The following RWDD4 variants were observed in gnomAD, a reference collection of about 807,000 sequenced individuals.
RWDD4 encodes RWD domain-containing protein 4.
Under a neutral mutation model 30.0 loss-of-function variants are expected in RWDD4, and 16 were observed. The observed-to-expected ratio is 0.53, with a 90% CI of 0.36 to 0.81. RWDD4 has a LOEUF of 0.81. Ranked by LOEUF, RWDD4 falls within the 30% of genes least tolerant of loss-of-function variation. The pLI is 0.00. For synonymous variants in RWDD4, 45 were observed against 72.1 expected (o/e 0.62, Z 1.90); for missense variants, 170 against 223.9 (o/e 0.76, Z 1.54).
At chr4:183,652,747 T>C (rs982589335) in intron 2 of RWDD4, among the ~76,000 whole-genome samples, 1 of 150,800 alleles carries the variant, frequency 6.6e-6, no homozygotes, top group Non-Finnish European at 1.5e-5. Flanking sequence ...TAGGCAGAGG[T>C]TGCAGTGAGC....
At chr4:183,654,322 T>C (rs1036257823) in intron 2 of RWDD4, among the ~76,000 whole-genome samples, 2 of 152,094 alleles carry the variant, frequency 1.3e-5, no homozygotes, top group African/African-American at 4.8e-5. Flanking sequence ...GAGTGCCAAC[T>C]AGTACTGTTG....
chr4:183,643,415 CAAAAAAAAAAAAAAAAAAA>C (rs56730708), intron 7 of RWDD4, among the ~76,000 whole-genome samples: 8 of 22,664 alleles, frequency 3.5e-4, no homozygotes, highest in Admixed American at 7.8e-4. Flanking sequence ...GACTCTATCT[CAAAAAAAAAAAAAAAAAAA>C]AAAAAAAAAA....
intron 5 of RWDD4, 75 bp downstream of exon 5, chr4:183,649,376 T>C: frequency 1.1e-6 from 1 of 908,600 alleles, no homozygotes; most frequent in Non-Finnish European, 1.8e-6. Flanking sequence ...ATCATGCCAC[T>C]GCACTCCAGC....
chr4:183,649,677 A>G, intron 4 of RWDD4, 109 bp from the exon 5 acceptor site: 1 of 553,242 alleles, frequency 1.8e-6, no homozygotes, highest in Admixed American at 3.2e-5. Flanking sequence ...ATGAAATAAA[A>G]GAATCCTATA....
In RWDD4 at chr4:183,646,442, T is replaced by C. The variant is rs770927073; in HGVS notation, c.531+46A>G. On this transcript the variant is annotated intron_variant, in intron 6 of 7. Transcript: ENST00000326397. ...AAATAAGAATTTCATTATTTGCTGG[T>C]AATAATTGTAACAAGTTTAAAGACT... 4 of 1,599,402 alleles carry C rather than the reference T, an allele frequency of 2.5e-6. No individual in the cohort carries two copies. In the Admixed American group the frequency reaches 6.9e-5, roughly 28 times the overall value.
At chr4:183,658,051 A>C (rs1036768226) in intron 1 of RWDD4, among the ~76,000 whole-genome samples, 1 of 152,188 alleles carries the variant, frequency 6.6e-6, no homozygotes, top group African/African-American at 2.4e-5. Context: ...TTAGAAATTC[A>C]CCCGGCAAGA....
chr4:183,641,839 A>C (rs1380608885), intron 7 of RWDD4, among the ~76,000 whole-genome samples: 1 of 152,226 alleles, frequency 6.6e-6, no homozygotes, highest in Admixed American at 6.5e-5. Flanking sequence ...ATTTTTAAAA[A>C]ATAATTTTAA....
intron 2 of RWDD4, 61 bp from the exon 3 acceptor site, chr4:183,651,388 A>C: frequency 8.3e-7 from 1 of 1,204,192 alleles, no homozygotes. Context: ...AAACTAAATT[A>C]TAATCTTCAA....
At chr4:183,648,700 C>T (rs933000431) in intron 5 of RWDD4, among the ~76,000 whole-genome samples, 7 of 152,142 alleles carry the variant, frequency 4.6e-5, no homozygotes, top group Admixed American at 6.6e-5. Context: ...AAATCCCAAA[C>T]ATGTTAGAGC....
At position 183,641,466 on chromosome 4, in the gene RWDD4, T is replaced by C; in HGVS notation, c.537A>G (p.Leu179=). ...CATCATCCTTAGAGCCAGTTTTGCTTAACTATAAAAAAAAGAGAGAAAATA... is the reference window on the plus strand; with the variant it reads ...CATCATCCTTAGAGCCAGTTTTGCTCAACTATAAAAAAAAGAGAGAAAATA... ...GWNWVDVVKH[L]SKTGSKDDE Residue 179 remains leucine (L), a splice_region_variant and synonymous_variant, in exon 8 of 8, where the codon TTA becomes TTG. Transcript: ENST00000326397. 2 of 1,606,106 alleles carry C rather than the reference T, an allele frequency of 1.2e-6. No homozygotes were observed. The highest frequency in any genetic ancestry group is 2.7e-5 in the African/African-American group (2 of 74,684).
chr4:183,658,599 T>C (rs910140567), intron 1 of RWDD4, among the ~76,000 whole-genome samples: 11 of 152,198 alleles, frequency 7.2e-5, no homozygotes, highest in African/African-American at 2.7e-4. Context: ...GTGATCAGCC[T>C]AACTCAGTAA....
At position 183,657,253 on chromosome 4, in the gene RWDD4, A is replaced by T. The variant is rs955738544; in HGVS notation, c.25-1292T>A. 3.9e-5 allele frequency among the ~76,000 whole-genome samples: 6 copies of T among 152,292 alleles called. No individual in the cohort carries two copies. In the East Asian group the frequency reaches 1.2e-3, roughly 29 times the overall value. Reference sequence around the variant, plus strand: ...TCTTGCTACCTTTACAGAAAAAACAAAAAAAAACAAAATACAGAAATTCAA... The same window carrying T: ...TCTTGCTACCTTTACAGAAAAAACATAAAAAAACAAAATACAGAAATTCAA... On this transcript the variant is annotated intron_variant, in intron 1 of 7. Coordinates refer to ENST00000326397, the MANE Select transcript of RWDD4 (RefSeq NM_152682.4).
At chr4:183,642,035 G>A (rs2111225458) in intron 7 of RWDD4, among the ~76,000 whole-genome samples, 1 of 152,120 alleles carries the variant, frequency 6.6e-6, no homozygotes, top group Non-Finnish European at 1.5e-5. Context: ...AGATGATTCT[G>A]ATCAGACTAC....
intron 2 of RWDD4, among the ~76,000 whole-genome samples, chr4:183,652,962 G>C (rs1011264910): frequency 6.6e-6 from 1 of 152,104 alleles, no homozygotes; most frequent in Non-Finnish European, 1.5e-5. Flanking sequence ...GAGCTCAAGT[G>C]ATCTTCCTGC....
intron 7 of RWDD4, among the ~76,000 whole-genome samples, chr4:183,643,435 A>AAAAAAAAAAAAAAAAAAAAC (rs1733906507): frequency 7.0e-6 from 1 of 142,446 alleles, no homozygotes; most frequent in Non-Finnish European, 1.5e-5. Context: ...AAAAAAAAAA[A>AAAAAAAAAAAAAAAAAAAAC]AAAAAAAAAA....
chr4:183,646,839 G>A (rs759074393), intron 5 of RWDD4, among the ~76,000 whole-genome samples: 27 of 152,288 alleles, frequency 1.8e-4, no homozygotes, highest in South Asian at 1.2e-3. Flanking sequence ...CCATTTATTA[G>A]TTTCATGCAT....
At chr4:183,655,649 A>G (rs1734179122) in intron 2 of RWDD4, among the ~76,000 whole-genome samples, 2 of 152,146 alleles carry the variant, frequency 1.3e-5, no homozygotes, top group Non-Finnish European at 2.9e-5. Flanking sequence ...CATTTCTAGT[A>G]TCTTATGATT....
chr4:183,657,244 G>GAAAAA (rs1296063403), intron 1 of RWDD4, among the ~76,000 whole-genome samples: 1 of 151,176 alleles, frequency 6.6e-6, no homozygotes, highest in East Asian at 1.9e-4. Context: ...TACCTTTACA[G>GAAAAA]AAAAAACAAA....
chr4:183,645,508 G>A (rs756586505), intron 7 of RWDD4, among the ~76,000 whole-genome samples: 9 of 151,198 alleles, frequency 6.0e-5, no homozygotes, highest in African/African-American at 9.7e-5. Context: ...GGTGGCTGCC[G>A]CCGGCAATCC....
Sources: gnomAD v4.1 joint callset for allele counts (sites outside exome capture counted in the v4.1 genomes callset) on GRCh38, gnomAD v4.1.1 for gene constraint, MANE v1.5 for transcripts, NCBI Gene and HGNC (gene_info 2026-07-23, HGNC 2026-07-21) for gene names.